The following ERBIN variants were observed in gnomAD, a reference collection of about 807,000 sequenced individuals.
ERBIN encodes the protein erbb2 interacting protein.
ERBIN carries 60 observed loss-of-function variants against 158.4 expected under a neutral mutation model. The observed-to-expected ratio is 0.38, with a 90% CI of 0.31 to 0.47. ERBIN has a LOEUF of 0.47. ERBIN is among the 20% of genes least tolerant of loss of function. The pLI is 0.99. For missense variants in ERBIN, 1,610 were observed against 1,648.0 expected, an observed-to-expected ratio of 0.98 and a Z score of 0.40; for synonymous variants, 594 against 557.2, an observed-to-expected ratio of 1.07 and a Z score of -0.93.
intron 7 of ERBIN, among the ~76,000 whole-genome samples, chr5:66,018,553 T>TATAATATATAA (rs1561381199): frequency 5.5e-4 from 4 of 7,282 alleles, no homozygotes; most frequent in African/African-American, 3.7e-3. Flanking sequence ...ATATTATATA[T>TATAATATATAA]TATATAATAT....
At chr5:66,026,182 A>C in intron 12 of ERBIN, 120 bp from the exon 13 acceptor site, 1 of 711,902 alleles carries the variant, frequency 1.4e-6, no homozygotes, top group Non-Finnish European at 2.2e-6. Flanking sequence ...AAGAAAGTCT[A>C]GTCATTATTT....
intron 21 of ERBIN, among the ~76,000 whole-genome samples, chr5:66,067,722 G>A (rs746574950): frequency 2.0e-5 from 3 of 151,722 alleles, no homozygotes; most frequent in South Asian, 2.1e-4. Flanking sequence ...ACATTTTCTC[G>A]TTTTCTTCTT....
intron 21 of ERBIN, among the ~76,000 whole-genome samples, chr5:66,061,328 G>T (rs1315194900): frequency 6.6e-6 from 1 of 151,982 alleles, no homozygotes; most frequent in African/African-American, 2.4e-5. Context: ...ATCTTTGTTG[G>T]TTTAAAGTCT....
intron 1 of ERBIN, among the ~76,000 whole-genome samples, chr5:65,988,057 A>G (rs1751457266): frequency 6.6e-6 from 1 of 152,184 alleles, no homozygotes; most frequent in African/African-American, 2.4e-5. Context: ...TTATAAATGT[A>G]TGAAGACTAT....
chr5:65,942,569 A>G (rs1372918223), intron 1 of ERBIN, among the ~76,000 whole-genome samples: 2 of 152,224 alleles, frequency 1.3e-5, no homozygotes, highest in African/African-American at 2.4e-5. Context: ...TGAGCCAAGA[A>G]GTTTCAGAGA....
chr5:66,046,355 C>A lies in ERBIN; in HGVS notation c.1605C>A (p.Thr535=). 1.3e-6 allele frequency: 2 copies of A among 1,499,498 alleles called. No individual in the cohort carries two copies. Among genetic ancestry groups the A allele is most frequent in the Non-Finnish European group, 1.8e-6 (2 of 1,107,622 alleles). The allele number at this position is 1,499,498 out of a possible 1,614,324, so 92.9% of individuals were successfully genotyped here. ...TCTTTATCTTTTCTTTTACTTAGACCTCAGAAAGTACTACTACAGTAAAAA... is the reference window on the plus strand; with the variant it reads ...TCTTTATCTTTTCTTTTACTTAGACATCAGAAAGTACTACTACAGTAAAAA... ...QDINKDVGVK[T]SESTTTVKSK... is the part of the protein sequence containing the mutation. The change falls in exon 18 of 26, where the codon ACC becomes ACA. Residue 535 remains threonine (T), a splice_region_variant and synonymous_variant. Transcript: ENST00000284037.
intron 14 of ERBIN, among the ~76,000 whole-genome samples, chr5:66,032,661 G>A (rs1757005597): frequency 1.3e-5 from 2 of 152,176 alleles, no homozygotes; most frequent in Admixed American, 1.3e-4. Context: ...GGATTCATCA[G>A]GGGTTAGTGC....
chr5:66,039,714 A>G (rs1757751703), intron 15 of ERBIN, among the ~76,000 whole-genome samples: 2 of 151,966 alleles, frequency 1.3e-5, no homozygotes, highest in Admixed American at 6.6e-5. Flanking sequence ...ATGGAAACAT[A>G]CTTCCATATT....
At chr5:65,978,147 C>G (rs1750240378) in intron 1 of ERBIN, among the ~76,000 whole-genome samples, 1 of 152,182 alleles carries the variant, frequency 6.6e-6, no homozygotes, top group African/African-American at 2.4e-5. Flanking sequence ...CAAGTCAACT[C>G]TATGCTAGGA....
chr5:66,055,714 T>C (rs1196235583), intron 21 of ERBIN, among the ~76,000 whole-genome samples: 3 of 152,168 alleles, frequency 2.0e-5, no homozygotes, highest in Non-Finnish European at 4.4e-5. Context: ...TCACTAGATT[T>C]TACCCAAGCA....
chr5:66,001,992 G>A (rs1006497303), intron 4 of ERBIN, among the ~76,000 whole-genome samples: 4 of 152,170 alleles, frequency 2.6e-5, no homozygotes, highest in African/African-American at 9.6e-5. Context: ...AGGCCCCAGT[G>A]TGTGATGTTC....
intron 7 of ERBIN, among the ~76,000 whole-genome samples, chr5:66,018,850 TG>T (rs1337007959): frequency 3.3e-5 from 5 of 151,276 alleles, no homozygotes; most frequent in African/African-American, 1.2e-4. Context: ...TTAGCCAGGA[TG>T]GTCTCGATCT....
At position 66,079,822 on chromosome 5, in the gene ERBIN, C is replaced by G. The variant is rs1272032677; in HGVS notation, c.*1292C>G. Reference sequence around the variant, plus strand: ...GTAATAGTGTTTTACCACCAACTGCCTTTCTTTGTTCCTAGTTACTGTAAC... The same window carrying G: ...GTAATAGTGTTTTACCACCAACTGCGTTTCTTTGTTCCTAGTTACTGTAAC... On this transcript the variant is annotated 3_prime_UTR_variant, in exon 26 of 26. Coordinates refer to ENST00000284037, the MANE Select transcript of ERBIN (RefSeq NM_001253697.2). 6.6e-6 allele frequency: 1 copy of G among 152,350 alleles called. No homozygotes were observed. Among genetic ancestry groups the G allele is most frequent in the Non-Finnish European group, 1.5e-5 (1 of 68,000 alleles). 9.4% of individuals were successfully genotyped at this position (152,350 alleles called of 1,614,324 possible). A position where few individuals can be genotyped will look rare whatever the true frequency, so the allele number is the denominator to read the frequency against.
chr5:66,055,647 C>T (rs1452678182), intron 21 of ERBIN, among the ~76,000 whole-genome samples: 1 of 152,090 alleles, frequency 6.6e-6, no homozygotes, highest in Non-Finnish European at 1.5e-5. Flanking sequence ...ATGCCATAGT[C>T]ATATGGCCCA....
At chr5:66,051,382 ACACT>A (rs1353604118) in intron 20 of ERBIN, among the ~76,000 whole-genome samples, 1 of 152,228 alleles carries the variant, frequency 6.6e-6, no homozygotes, top group African/African-American at 2.4e-5. Context: ...TTTGTAGGAC[ACACT>A]CACTGAGAGA....
intron 6 of ERBIN, among the ~76,000 whole-genome samples, chr5:66,013,999 T>A (rs1022347769): frequency 6.6e-6 from 1 of 152,110 alleles, no homozygotes; most frequent in African/African-American, 2.4e-5. Context: ...GAAAAGAGAA[T>A]CTGTTTCTGG....
chr5:65,986,022 G>T (rs999487413), intron 1 of ERBIN, among the ~76,000 whole-genome samples: 1 of 151,882 alleles, frequency 6.6e-6, no homozygotes, highest in Non-Finnish European at 1.5e-5. Flanking sequence ...CTTCTCTTCA[G>T]TGTCCTTTGC....
intron 21 of ERBIN, among the ~76,000 whole-genome samples, chr5:66,064,899 T>TA (rs1458683686): frequency 2.6e-5 from 4 of 152,190 alleles, no homozygotes; most frequent in African/African-American, 4.8e-5. Context: ...AGGGTCTCAC[T>TA]ATGTTGCCCA....
At chr5:65,958,427 C>T (rs1017632878) in intron 1 of ERBIN, among the ~76,000 whole-genome samples, 11 of 152,276 alleles carry the variant, frequency 7.2e-5, no homozygotes, top group South Asian at 6.2e-4. Flanking sequence ...GAGACCAGCC[C>T]GGCCAACACA....
Sources: allele counts gnomAD v4.1 joint callset (sites outside exome capture counted in the v4.1 genomes callset), GRCh38; gene constraint gnomAD v4.1.1; transcripts MANE v1.5; gene names NCBI Gene and HGNC (gene_info 2026-07-23, HGNC 2026-07-21).